The following HSPA4 variants were observed in gnomAD, a reference collection of about 807,000 sequenced individuals.
The protein encoded by HSPA4 is heat shock protein family A (Hsp70) member 4.
Under a neutral mutation model 106.2 loss-of-function variants are expected in HSPA4, and 25 were observed. The observed-to-expected ratio is 0.24, with a 90% CI of 0.17 to 0.33. HSPA4 has a LOEUF of 0.33. Ranked by LOEUF, HSPA4 falls within the 10% of genes least tolerant of loss-of-function variation. HSPA4 has a pLI of 1.00. For missense variants in HSPA4, 841 were observed against 996.0 expected, an observed-to-expected ratio of 0.84 and a Z score of 2.10; for synonymous variants, 332 against 333.6, an observed-to-expected ratio of 1.00 and a Z score of 0.05.
chr5:133,066,835 C>T lies in HSPA4; in HGVS notation c.166-582C>T, dbSNP rs572405062. Among the ~76,000 whole-genome samples, 47 of 151,700 alleles carry T rather than the reference C, an allele frequency of 3.1e-4. No homozygotes were observed. The South Asian group carries it at 4.6e-3, about 15-fold the overall frequency. ...GTTCAAATGATTCTCATGCCTCAGC[C>T]TCCTGAGTAGCTGGGGTTACAGGTG... On this transcript the variant is annotated intron_variant, in intron 2 of 18. Coordinates refer to ENST00000304858, the MANE Select transcript of HSPA4 (RefSeq NM_002154.4).
chr5:133,093,872 A>T (rs1765680259), intron 13 of HSPA4, among the ~76,000 whole-genome samples: 1 of 151,986 alleles, frequency 6.6e-6, no homozygotes, highest in African/African-American at 2.4e-5. Context: ...AGGTGGGTGG[A>T]TCACTTGGGG....
At chr5:133,055,307 A>ATTTTTTTTTTTTTTTTT (rs397999293) in intron 1 of HSPA4, among the ~76,000 whole-genome samples, 3 of 60,062 alleles carry the variant, frequency 5.0e-5, no homozygotes, top group Non-Finnish European at 9.4e-5. Context: ...AGGAAGGTTG[A>ATTTTTTTTTTTTTTTTT]TTTTTTTTTT....
At chr5:133,052,406 CTTG>C in intron 1 of HSPA4, 49 bp downstream of exon 1, 1 of 1,230,014 alleles carries the variant, frequency 8.1e-7, no homozygotes, top group South Asian at 1.4e-5. Context: ...GGAGATAATG[CTTG>C]TTCCAGTCTG....
At chr5:133,054,188 A>G (rs779977176) in intron 1 of HSPA4, among the ~76,000 whole-genome samples, 1 of 151,778 alleles carries the variant, frequency 6.6e-6, no homozygotes, top group Non-Finnish European at 1.5e-5. Context: ...TAACAGCCCT[A>G]TTAAGGTTTA....
chr5:133,064,454 T>TGA (rs1394266025), intron 1 of HSPA4, among the ~76,000 whole-genome samples: 1 of 151,692 alleles, frequency 6.6e-6, no homozygotes. Flanking sequence ...TGCAGTGAGC[T>TGA]GAGATAGGGC....
intron 4 of HSPA4, among the ~76,000 whole-genome samples, chr5:133,072,777 C>T (rs542349317): frequency 6.6e-6 from 1 of 152,148 alleles, no homozygotes; most frequent in East Asian, 1.9e-4. Context: ...ATTCCAACTC[C>T]CAGAAGGAAA....
In HSPA4 at chr5:133,089,121, A is replaced by G. The variant is rs748173661; in HGVS notation, c.1204A>G (p.Ile402Val). The change falls in exon 10 of 19, where the codon ATA becomes GTA. Residue 402 changes from isoleucine to valine, a missense_variant. Ile to Val is a conservative substitution (Grantham distance 29). Coordinates refer to ENST00000304858, the MANE Select transcript of HSPA4 (RefSeq NM_002154.4). ...FSITDVVPYP[I>V]SLRWNSPAEE... Reference sequence around the variant, plus strand: ...TATCACTGATGTAGTACCATATCCAATATCTCTGAGATGGAATTCTCCAGC... The same window carrying G: ...TATCACTGATGTAGTACCATATCCAGTATCTCTGAGATGGAATTCTCCAGC... The G allele has an allele frequency of 3.1e-6, 5 of 1,603,654 alleles. No individual in the cohort carries two copies. Among genetic ancestry groups the G allele is most frequent in the South Asian group, 2.2e-5 (2 of 89,176 alleles).
At chr5:133,090,959 C>A in intron 11 of HSPA4, 1 of 557,248 alleles carries the variant, frequency 1.8e-6, no homozygotes, top group South Asian at 1.8e-5. Context: ...AGGAAAGAAT[C>A]GGGAGATATT....
At chr5:133,066,905 A>G (rs1031718595) in intron 2 of HSPA4, among the ~76,000 whole-genome samples, 2 of 151,862 alleles carry the variant, frequency 1.3e-5, no homozygotes, top group African/African-American at 2.4e-5. Context: ...TAGTAGAGAC[A>G]GCGTTTCACC....
chr5:133,075,071 T>C (rs1272252872), intron 6 of HSPA4, among the ~76,000 whole-genome samples: 3 of 152,246 alleles, frequency 2.0e-5, no homozygotes, highest in Admixed American at 6.5e-5. Flanking sequence ...TCATTTGTTA[T>C]GGTCTTGTTT....
intron 7 of HSPA4, among the ~76,000 whole-genome samples, chr5:133,078,334 GA>G (rs1415623194): frequency 0.016 from 2,164 of 135,528 alleles, 38 homozygotes; most frequent in African/African-American, 0.05. Context: ...CGTCTCAAAA[GA>G]AAAAAAAAAA....
intron 1 of HSPA4, among the ~76,000 whole-genome samples, chr5:133,057,705 A>G (rs1187251204): frequency 6.6e-6 from 1 of 152,226 alleles, no homozygotes; most frequent in Non-Finnish European, 1.5e-5. Flanking sequence ...AGATTAGAAC[A>G]GAGGGATCTT....
chr5:133,089,725 A>T, intron 11 of HSPA4, 30 bp downstream of exon 11: 1 of 1,308,646 alleles, frequency 7.6e-7, no homozygotes, highest in Admixed American at 2.9e-5. Flanking sequence ...TTAAAAAAGA[A>T]AAAAAAAAAA....
At chr5:133,081,370 G>A (rs1275989867) in intron 7 of HSPA4, among the ~76,000 whole-genome samples, 1 of 152,118 alleles carries the variant, frequency 6.6e-6, no homozygotes, top group Non-Finnish European at 1.5e-5. Context: ...TAAAAATGTG[G>A]CTTAACTTTC....
chr5:133,067,060 G>A (rs975183307), intron 2 of HSPA4, among the ~76,000 whole-genome samples: 3 of 152,076 alleles, frequency 2.0e-5, no homozygotes, highest in Non-Finnish European at 4.4e-5. Flanking sequence ...TTGGTTCCTG[G>A]AAACTTTCAA....
chr5:133,061,640 G>A (rs1271764068), intron 1 of HSPA4, among the ~76,000 whole-genome samples: 1 of 151,982 alleles, frequency 6.6e-6, no homozygotes, highest in Admixed American at 6.6e-5. Context: ...CCCACCACCC[G>A]ACTGAGTCTT....
intron 3 of HSPA4, 49 bp downstream of exon 3, chr5:133,067,606 T>TTA: frequency 6.8e-7 from 1 of 1,460,416 alleles, no homozygotes. Context: ...TTATTATATT[T>TTA]TATCAGTTCA....
At chr5:133,085,519 C>T (rs115846120) in intron 7 of HSPA4, among the ~76,000 whole-genome samples, 2 of 115,544 alleles carry the variant, frequency 1.7e-5, no homozygotes, top group South Asian at 2.7e-4. Context: ...ATTAGCCGGG[C>T]GTAGGTGGTG....
chr5:133,078,816 C>T (rs564346770), intron 7 of HSPA4, among the ~76,000 whole-genome samples: 16 of 152,170 alleles, frequency 1.1e-4, no homozygotes, highest in African/African-American at 3.4e-4. Context: ...TCACTGCACC[C>T]TCTGTTTCCT....
Sources: gnomAD v4.1 joint callset for allele counts (sites outside exome capture counted in the v4.1 genomes callset) on GRCh38, gnomAD v4.1.1 for gene constraint, MANE v1.5 for transcripts, NCBI Gene and HGNC (gene_info 2026-07-23, HGNC 2026-07-21) for gene names.